KLHL14: variants seen among roughly 807,000 people sequenced by gnomAD.
The protein encoded by KLHL14 is kelch-like protein 14.
A neutral mutation model predicts 64.3 loss-of-function variants in KLHL14; 22 were observed. That is an observed-to-expected ratio of 0.34 (90% CI 0.24 to 0.49). The LOEUF (loss-of-function observed/expected upper bound fraction) is 0.49, where lower values mean the gene tolerates loss of function less well. Ranked by LOEUF, KLHL14 falls within the 20% of genes least tolerant of loss-of-function variation. The pLI, the probability that KLHL14 is intolerant of heterozygous loss-of-function variation, is 0.99. For synonymous variants in KLHL14, 322 were observed against 333.4 expected (o/e 0.97, Z 0.37); for missense variants, 661 against 789.0 (o/e 0.84, Z 1.94).
At chr18:32,703,968 T>C (rs1289697235) in intron 3 of KLHL14, among the ~76,000 whole-genome samples, 1 of 152,178 alleles carries the variant, frequency 6.6e-6, no homozygotes, top group Non-Finnish European at 1.5e-5. Context: ...TCTAGAGCTT[T>C]GATGACTGCC....
At chr18:32,771,032 G>A in intron 1 of KLHL14, 1 of 350,924 alleles carries the variant, frequency 2.8e-6, no homozygotes, top group South Asian at 1.9e-5. Flanking sequence ...TGCCGGGCCA[G>A]ATGAAGGGAA....
chr18:32,695,851 C>A (rs2049934210), intron 3 of KLHL14, among the ~76,000 whole-genome samples: 1 of 152,148 alleles, frequency 6.6e-6, no homozygotes, highest in African/African-American at 2.4e-5. Context: ...GTTCTCCTAG[C>A]CTGCCTGATG....
At chr18:32,712,915 T>G (rs1487654315) in intron 3 of KLHL14, among the ~76,000 whole-genome samples, 1 of 152,176 alleles carries the variant, frequency 6.6e-6, no homozygotes, top group East Asian at 1.9e-4. Context: ...GGAGATCATT[T>G]TCTCTGGATC....
intron 3 of KLHL14, among the ~76,000 whole-genome samples, chr18:32,722,371 C>T (rs1199891260): frequency 6.6e-6 from 1 of 152,014 alleles, no homozygotes; most frequent in Non-Finnish European, 1.5e-5. Context: ...GCAACAACAA[C>T]CAAAAAACGA....
At chr18:32,765,756 G>A (rs2050339450) in intron 2 of KLHL14, among the ~76,000 whole-genome samples, 1 of 152,100 alleles carries the variant, frequency 6.6e-6, no homozygotes, top group South Asian at 2.1e-4. Flanking sequence ...ATTAGGAAAT[G>A]TAATGGCATT....
chr18:32,716,420 C>CTTTT (rs60090148), intron 3 of KLHL14, among the ~76,000 whole-genome samples: 3,450 of 147,380 alleles, frequency 0.023, 73 homozygotes, highest in Admixed American at 0.052. Flanking sequence ...GCTTGCTTGA[C>CTTTT]TTTTTTTTTT....
At chr18:32,766,364 T>C (rs1371255046) in intron 2 of KLHL14, among the ~76,000 whole-genome samples, 1 of 152,082 alleles carries the variant, frequency 6.6e-6, no homozygotes, top group East Asian at 1.9e-4. Flanking sequence ...TACTAAACAC[T>C]GCATATCATG....
At chr18:32,712,293 C>T (rs948945350) in intron 3 of KLHL14, among the ~76,000 whole-genome samples, 3 of 152,208 alleles carry the variant, frequency 2.0e-5, no homozygotes, top group Non-Finnish European at 4.4e-5. Flanking sequence ...CCCTGATTTA[C>T]TTTTAGCTGA....
At chr18:32,754,155 C>T (rs911182700) in intron 2 of KLHL14, among the ~76,000 whole-genome samples, 1 of 152,186 alleles carries the variant, frequency 6.6e-6, no homozygotes, top group African/African-American at 2.4e-5. Context: ...GCCATTCAAG[C>T]TCTGTATAGC....
At chr18:32,723,440 G>A (rs567172724) in intron 3 of KLHL14, among the ~76,000 whole-genome samples, 86 of 152,110 alleles carry the variant, frequency 5.7e-4, no homozygotes, top group Non-Finnish European at 1.0e-3. Context: ...AGAAGACTGA[G>A]GGAGGTAGGA....
intron 3 of KLHL14, among the ~76,000 whole-genome samples, chr18:32,698,736 A>AT (rs2144488881): frequency 6.6e-6 from 1 of 152,338 alleles, no homozygotes; most frequent in Admixed American, 6.5e-5. Context: ...TAGGAGAAAG[A>AT]AAAAGCCAGA....
chr18:32,747,578 G>A (rs979325631), intron 2 of KLHL14, among the ~76,000 whole-genome samples: 1 of 152,202 alleles, frequency 6.6e-6, no homozygotes, highest in Non-Finnish European at 1.5e-5. Context: ...GCAGAGCTCA[G>A]GTGGTAATGC....
Position 32,751,778 on chromosome 18 carries a change from T to C in KLHL14, c.948-9729A>G, listed in dbSNP as rs187983833. 2.0e-5 allele frequency among the ~76,000 whole-genome samples: 3 copies of C among 152,330 alleles called. No homozygotes were observed. The East Asian group carries it at 5.8e-4, about 29-fold the overall frequency. ...ATACTTAAAAGCAAGAAGAACTTAC[T>C]ACATAGTAGGTGCTCAATAAATGTT... On this transcript the variant is annotated intron_variant, in intron 2 of 8. Transcript: ENST00000359358.
intron 3 of KLHL14, among the ~76,000 whole-genome samples, chr18:32,736,843 C>T (rs1004066218): frequency 3.3e-5 from 5 of 152,038 alleles, no homozygotes; most frequent in Non-Finnish European, 7.4e-5. Context: ...TCTAGGAAAG[C>T]TTTCCTAACC....
chr18:32,704,916 C>T (rs950174902), intron 3 of KLHL14, among the ~76,000 whole-genome samples: 5 of 152,252 alleles, frequency 3.3e-5, no homozygotes, highest in African/African-American at 7.2e-5. Flanking sequence ...ATACAGAGTA[C>T]TCCAGGTAGA....
chr18:32,757,445 G>A lies in KLHL14; in HGVS notation c.947+12200C>T, dbSNP rs757848172. Among the ~76,000 whole-genome samples the A allele has an allele frequency of 8.5e-5, 13 of 152,096 alleles. No individual in the cohort carries two copies. In the East Asian group the frequency reaches 1.4e-3, roughly 16 times the overall value. On this transcript the variant is annotated intron_variant, in intron 2 of 8. Transcript: ENST00000359358. ...AATCTCAGCCATGACTGAAAATCCC[G>A]TGCTTTGCTGTTTCCTGCTGATCCC...
intron 2 of KLHL14, among the ~76,000 whole-genome samples, chr18:32,746,582 T>C (rs1014330803): frequency 1.2e-4 from 18 of 152,218 alleles, no homozygotes; most frequent in Non-Finnish European, 2.4e-4. Context: ...AGTTTTCCTT[T>C]CCATGATACA....
Position 32,745,464 on chromosome 18 carries a change from C to T in KLHL14, c.948-3415G>A, listed in dbSNP as rs186929893. ...AAACAGCTCAACGTGGTAGGTATAA[C>T]TCTCCATTTTACAGAGAGGAGAGAA... On this transcript the variant is annotated intron_variant, in intron 2 of 8. Coordinates refer to ENST00000359358, the MANE Select transcript of KLHL14 (RefSeq NM_020805.3). 23 of 152,314 alleles carry T rather than the reference C, an allele frequency of 1.5e-4. No homozygotes were observed. The East Asian group carries it at 4.2e-3, about 28-fold the overall frequency. The allele number at this position is 152,314 out of a possible 1,614,324, so 9.4% of individuals were successfully genotyped here. A position where few individuals can be genotyped will look rare whatever the true frequency, so the allele number is the denominator to read the frequency against.
intron 2 of KLHL14, among the ~76,000 whole-genome samples, chr18:32,747,024 T>C (rs2050227100): frequency 1.3e-5 from 2 of 152,238 alleles, no homozygotes; most frequent in South Asian, 4.1e-4. Flanking sequence ...AATATAGAAA[T>C]CCTTCTGATA....
Sources: gnomAD v4.1 joint callset for allele counts (sites outside exome capture counted in the v4.1 genomes callset) on GRCh38, gnomAD v4.1.1 for gene constraint, MANE v1.5 for transcripts, NCBI Gene and HGNC (gene_info 2026-07-23, HGNC 2026-07-21) for gene names.